The following SDCCAG8 variants were observed in gnomAD, a reference collection of about 807,000 sequenced individuals.
SDCCAG8 encodes serologically defined colon cancer antigen 8.
A neutral mutation model predicts 101.8 loss-of-function variants in SDCCAG8; 74 were observed. That is an observed-to-expected ratio of 0.73 (90% CI 0.60 to 0.88). The LOEUF is 0.88. SDCCAG8 is among the 40% of genes least tolerant of loss of function. The pLI is 0.00. For synonymous variants in SDCCAG8, 281 were observed against 292.9 expected, an observed-to-expected ratio of 0.96 and a Z score of 0.41; for missense variants, 787 against 822.6, an observed-to-expected ratio of 0.96 and a Z score of 0.53.
At chr1:243,265,419 A>G (rs529284680) in intron 1 of SDCCAG8, among the ~76,000 whole-genome samples, 10 of 152,332 alleles carry the variant, frequency 6.6e-5, no homozygotes, top group African/African-American at 2.2e-4. Flanking sequence ...ATTTCACGTA[A>G]TATTATGTTC....
chr1:243,266,485 C>T (rs1210551881), intron 1 of SDCCAG8, among the ~76,000 whole-genome samples: 2 of 151,776 alleles, frequency 1.3e-5, no homozygotes, highest in Non-Finnish European at 2.9e-5. Flanking sequence ...ACCTGCCAAC[C>T]TTTTTTGTAT....
chr1:243,382,003 G>A (rs905344527), intron 13 of SDCCAG8, among the ~76,000 whole-genome samples: 18 of 152,158 alleles, frequency 1.2e-4, no homozygotes, highest in African/African-American at 4.3e-4. Context: ...TCATGAGTAA[G>A]AATTCTGAAA....
chr1:243,410,271 A>T (rs924289063), intron 13 of SDCCAG8, among the ~76,000 whole-genome samples: 2 of 152,192 alleles, frequency 1.3e-5, no homozygotes, highest in African/African-American at 2.4e-5. Context: ...CCTGTTGTTA[A>T]ATATCGTCTG....
At chr1:243,409,866 T>C (rs1202229143) in intron 13 of SDCCAG8, among the ~76,000 whole-genome samples, 1 of 152,130 alleles carries the variant, frequency 6.6e-6, no homozygotes, top group African/African-American at 2.4e-5. Flanking sequence ...AATAATGGAG[T>C]AAAAAAGTCA....
intron 12 of SDCCAG8, among the ~76,000 whole-genome samples, chr1:243,348,036 T>TC (rs2075827830): frequency 7.1e-6 from 1 of 141,204 alleles, no homozygotes; most frequent in Non-Finnish European, 1.5e-5. Flanking sequence ...TTTTTTTTTT[T>TC]CTTTTTTTTT....
rs192867058 is a variant in SDCCAG8, at chr1:243,279,999, A to G, written c.420+5343A>G. Among the ~76,000 whole-genome samples, 11 of 152,282 alleles carry G rather than the reference A, an allele frequency of 7.2e-5. No individual in the cohort carries two copies. The East Asian group carries it at 1.7e-3, about 24-fold the overall frequency. ...GTATAATTTCTTTCTTAAATATTTG[A>G]TAGAATTCACTAGTGAACTTACCTG... On this transcript the variant is annotated intron_variant, in intron 4 of 17. Transcript: ENST00000366541.
chr1:243,287,484 A>G (rs1280041715), intron 5 of SDCCAG8, among the ~76,000 whole-genome samples: 2 of 151,338 alleles, frequency 1.3e-5, no homozygotes, highest in Non-Finnish European at 2.9e-5. Flanking sequence ...AGGGTTTGCT[A>G]TTGAGAAGTA....
chr1:243,370,345 G>C (rs2077219220), intron 12 of SDCCAG8, among the ~76,000 whole-genome samples: 1 of 152,042 alleles, frequency 6.6e-6, no homozygotes, highest in African/African-American at 2.4e-5. Flanking sequence ...TTAATGAATG[G>C]CCTGATATTT....
rs1663646360 is a variant in SDCCAG8 at position 243,481,042 on chromosome 1, G to A, written c.1986-7972G>A. On this transcript the variant is annotated intron_variant, in intron 16 of 17. Coordinates refer to ENST00000366541, the MANE Select transcript of SDCCAG8 (RefSeq NM_006642.5). ...AGAGGAGCATTAGAAGGTGACTCCA[G>A]TGTGTCAGGTGGTGAGTTTGAGGTG... Among the ~76,000 whole-genome samples, 6 of 152,074 alleles carry A rather than the reference G, an allele frequency of 3.9e-5. No individual in the cohort carries two copies. In the South Asian group the frequency reaches 1.2e-3, roughly 31 times the overall value.
intron 4 of SDCCAG8, among the ~76,000 whole-genome samples, chr1:243,279,983 C>A (rs2068893838): frequency 6.6e-6 from 1 of 152,066 alleles, no homozygotes. Context: ...GGTATAATTT[C>A]TTTCTTAAAT....
At chr1:243,336,114 T>C (rs1346220038) in intron 10 of SDCCAG8, among the ~76,000 whole-genome samples, 3 of 152,216 alleles carry the variant, frequency 2.0e-5, no homozygotes, top group Admixed American at 2.0e-4. Context: ...AGTACATGTG[T>C]CTTTTTGGTA....
intron 1 of SDCCAG8, among the ~76,000 whole-genome samples, chr1:243,262,756 T>C (rs1183758022): frequency 6.6e-6 from 1 of 152,246 alleles, no homozygotes; most frequent in African/African-American, 2.4e-5. Flanking sequence ...CAGTTTGTGC[T>C]AAGATTTTCA....
At chr1:243,312,862 A>G (rs975468818) in intron 8 of SDCCAG8, among the ~76,000 whole-genome samples, 2 of 152,122 alleles carry the variant, frequency 1.3e-5, no homozygotes, top group African/African-American at 4.8e-5. Context: ...CATTGGATAT[A>G]TTTTTTATGT....
chr1:243,294,699 C>A (rs947071947), intron 6 of SDCCAG8, among the ~76,000 whole-genome samples: 3 of 76,432 alleles, frequency 3.9e-5, no homozygotes, highest in Non-Finnish European at 8.3e-5. Context: ...TCTAAATTCC[C>A]CCCCCCCCCC....
At chr1:243,413,480 A>G (rs1413545936) in intron 13 of SDCCAG8, among the ~76,000 whole-genome samples, 1 of 152,214 alleles carries the variant, frequency 6.6e-6, no homozygotes, top group African/African-American at 2.4e-5. Flanking sequence ...TGCTGGGATT[A>G]CAGATGTGAG....
intron 16 of SDCCAG8, among the ~76,000 whole-genome samples, chr1:243,441,168 A>G (rs998301198): frequency 6.6e-6 from 1 of 152,150 alleles, no homozygotes. Flanking sequence ...ACAAATGTAA[A>G]TTTTAATATT....
rs2066624612 is a variant in SDCCAG8, at chr1:243,256,085, G to A, written c.-89G>A. On this transcript the variant is annotated 5_prime_UTR_variant, in exon 1 of 18. Transcript: ENST00000366541. ...CAGCCGCGGCAGGAAGCAGGCGGGCGCTCCCCGGCCACAGGCCTGTTGTTC... is the reference window on the plus strand; with the variant it reads ...CAGCCGCGGCAGGAAGCAGGCGGGCACTCCCCGGCCACAGGCCTGTTGTTC... 7.9e-7 allele frequency: 1 copy of A among 1,258,572 alleles called. No individual in the cohort carries two copies. Among genetic ancestry groups the A allele is most frequent in the East Asian group, 2.3e-5 (1 of 43,280 alleles). 78.0% of individuals were successfully genotyped at this position (1,258,572 alleles called of 1,614,324 possible).
intron 16 of SDCCAG8, among the ~76,000 whole-genome samples, chr1:243,459,120 A>G (rs1359985486): frequency 6.6e-6 from 1 of 152,238 alleles, no homozygotes; most frequent in Non-Finnish European, 1.5e-5. Flanking sequence ...TTTCCTTCCC[A>G]TAATGAAAAA....
intron 13 of SDCCAG8, among the ~76,000 whole-genome samples, chr1:243,395,032 CG>C (rs1368132399): frequency 1.3e-5 from 2 of 152,056 alleles, no homozygotes; most frequent in African/African-American, 4.8e-5. Flanking sequence ...TTTCGTTTCC[CG>C]TTTCTTTTTC....
Sources: allele counts gnomAD v4.1 joint callset (sites outside exome capture counted in the v4.1 genomes callset), GRCh38; gene constraint gnomAD v4.1.1; transcripts MANE v1.5; gene names NCBI Gene and HGNC (gene_info 2026-07-23, HGNC 2026-07-21).